The following RPS6KA2 variants were observed in gnomAD, a reference collection of about 807,000 sequenced individuals.
The protein encoded by RPS6KA2 is ribosomal protein S6 kinase alpha-2.
A neutral mutation model predicts 91.8 loss-of-function variants in RPS6KA2; 42 were observed. The ratio of observed to expected loss-of-function variants is 0.46; its 90% CI spans 0.36 to 0.59. RPS6KA2 has a LOEUF of 0.59. Ranked by LOEUF, RPS6KA2 falls within the 20% of genes least tolerant of loss-of-function variation. RPS6KA2 has a pLI of 0.00. For synonymous variants in RPS6KA2, 414 were observed against 393.6 expected, an observed-to-expected ratio of 1.05 and a Z score of -0.61; for missense variants, 798 against 978.5, an observed-to-expected ratio of 0.82 and a Z score of 2.46.
intron 1 of RPS6KA2, among the ~76,000 whole-genome samples, chr6:166,597,370 A>C (rs1286612572): frequency 6.6e-6 from 1 of 152,134 alleles, no homozygotes; most frequent in Admixed American, 6.5e-5. Flanking sequence ...AGGACAAGAG[A>C]CAAATGTGAA....
chr6:166,541,280 G>T (rs1043515698), intron 1 of RPS6KA2, among the ~76,000 whole-genome samples: 1 of 152,238 alleles, frequency 6.6e-6, no homozygotes. Context: ...GGCGAGGCAC[G>T]AGCTGGCCAG....
intron 1 of RPS6KA2, among the ~76,000 whole-genome samples, chr6:166,561,630 G>A (rs913504367): frequency 6.6e-6 from 1 of 151,894 alleles, no homozygotes; most frequent in African/African-American, 2.4e-5. Flanking sequence ...GGGGTATTAG[G>A]AACTAGGCTG....
chr6:166,857,994 T>G, intron 2 of RPS6KA2: 1 of 539,352 alleles, frequency 1.9e-6, no homozygotes, highest in Non-Finnish European at 3.3e-6. Flanking sequence ...AGCTATTCTT[T>G]TTGAGGGAGA....
intron 2 of RPS6KA2, among the ~76,000 whole-genome samples, chr6:166,789,165 C>T (rs1031061377): frequency 7.9e-5 from 12 of 152,210 alleles, no homozygotes; most frequent in Admixed American, 2.6e-4. Context: ...CACCCTAATA[C>T]TGCACTTTTC....
chr6:166,722,391 G>T (rs144156956), intron 2 of RPS6KA2, among the ~76,000 whole-genome samples: 6 of 152,232 alleles, frequency 3.9e-5, no homozygotes, highest in Non-Finnish European at 7.3e-5. Context: ...TGGAGGAGCC[G>T]CAGGGGGTGG....
At chr6:166,771,752 C>A (rs770549482) in intron 2 of RPS6KA2, among the ~76,000 whole-genome samples, 6 of 152,176 alleles carry the variant, frequency 3.9e-5, no homozygotes, top group Non-Finnish European at 8.8e-5. Context: ...GAAGACAGAG[C>A]GTTGGAATCA....
chr6:166,684,787 C>G (rs970306989), intron 2 of RPS6KA2, among the ~76,000 whole-genome samples: 3 of 152,230 alleles, frequency 2.0e-5, no homozygotes, highest in Non-Finnish European at 4.4e-5. Context: ...ATTTATCACC[C>G]TTCCCCCTGA....
chr6:166,439,344 G>C (rs1779446073), intron 14 of RPS6KA2, among the ~76,000 whole-genome samples: 1 of 152,226 alleles, frequency 6.6e-6, no homozygotes, highest in African/African-American at 2.4e-5. Flanking sequence ...CTGACCTCAG[G>C]TGATCCAACT....
At chr6:166,756,298 A>G (rs933240581) in intron 2 of RPS6KA2, among the ~76,000 whole-genome samples, 1 of 152,160 alleles carries the variant, frequency 6.6e-6, no homozygotes, top group Non-Finnish European at 1.5e-5. Flanking sequence ...TCAAAAAAAA[A>G]CCAAAAACAA....
chr6:166,581,721 G>T (rs1384949437), intron 1 of RPS6KA2, among the ~76,000 whole-genome samples: 1 of 152,242 alleles, frequency 6.6e-6, no homozygotes, highest in Admixed American at 6.5e-5. Flanking sequence ...ACCCACCCTG[G>T]GCGAGATGGG....
intron 1 of RPS6KA2, chr6:166,586,607 G>T: frequency 1.2e-6 from 1 of 805,070 alleles, no homozygotes; most frequent in Non-Finnish European, 1.9e-6. Context: ...CAGGAGAGGT[G>T]GCCTCTGGTC....
intron 2 of RPS6KA2, among the ~76,000 whole-genome samples, chr6:166,722,311 G>A (rs146068198): frequency 2.3e-4 from 35 of 152,204 alleles, no homozygotes; most frequent in Middle Eastern, 6.8e-3. Context: ...AGCTGAAGAC[G>A]CTTAGAGTGG....
intron 11 of RPS6KA2, among the ~76,000 whole-genome samples, chr6:166,468,667 T>G (rs760143140): frequency 4.6e-5 from 7 of 151,814 alleles, no homozygotes; most frequent in Admixed American, 2.0e-4. Flanking sequence ...ATCGAGATCA[T>G]CCTGGCTAAC....
At chr6:166,492,609 G>A (rs904297229) in intron 8 of RPS6KA2, among the ~76,000 whole-genome samples, 1 of 152,102 alleles carries the variant, frequency 6.6e-6, no homozygotes, top group East Asian at 1.9e-4. Context: ...CATACACACC[G>A]TTTAATCCTT....
intron 2 of RPS6KA2, among the ~76,000 whole-genome samples, chr6:166,763,464 G>C (rs1778225567): frequency 6.6e-6 from 1 of 152,202 alleles, no homozygotes; most frequent in African/African-American, 2.4e-5. Context: ...AAATGGGAGA[G>C]AGCGGCAATG....
chr6:166,858,876 G>C (rs1481607212), intron 1 of RPS6KA2, among the ~76,000 whole-genome samples: 2 of 152,234 alleles, frequency 1.3e-5, no homozygotes, highest in Non-Finnish European at 2.9e-5. Flanking sequence ...ACATGGCAGT[G>C]CTTCTGCCTA....
In RPS6KA2 at chr6:166,551,858, G is replaced by A. The variant is rs182640307; in HGVS notation, c.100-13074C>T. ...GCTGACTGCTGAAATGCAAACATGC[G>A]GTAGGCTTTGCCAATATGAGCTACA... On this transcript the variant is annotated intron_variant, in intron 1 of 20. Transcript: ENST00000265678. 6.6e-4 allele frequency among the ~76,000 whole-genome samples: 101 copies of A among 152,280 alleles called. 1 individual carries two copies. Among genetic ancestry groups the A allele is most frequent in the Non-Finnish European group, 1.2e-3 (83 of 68,022 alleles).
At position 166,627,201 on chromosome 6, in the gene RPS6KA2, G is replaced by T. The variant is rs1786922513; in HGVS notation, c.-182C>A. The stretch of plus-strand genomic sequence containing the variant: ...AGGGCAGGCCGCGCCGGCCACCGCG[G>T]CCGGGGCCACAATCGCTCCCTCCGC... On this transcript the variant is annotated 5_prime_UTR_variant, in exon 1 of 21. Coordinates refer to ENST00000265678, the MANE Select transcript of RPS6KA2 (RefSeq NM_021135.6). 9.6e-7 allele frequency: 1 copy of T among 1,041,052 alleles called. No homozygotes were observed. Among genetic ancestry groups the T allele is most frequent in the Non-Finnish European group, 1.2e-6 (1 of 867,528 alleles). The allele number at this position is 1,041,052 out of a possible 1,614,324, so 64.5% of individuals were successfully genotyped here.
Position 166,459,297 on chromosome 6 carries a change from A to G in RPS6KA2, c.1075+152T>C. On this transcript the variant is annotated intron_variant, in intron 12 of 20. Coordinates refer to ENST00000265678, the MANE Select transcript of RPS6KA2 (RefSeq NM_021135.6). This position sits in a 1 kb window ranked among gnomAD's most constrained non-coding sequence, Gnocchi z 4.9. ...ATCACTTAAACCTTTATCACTGAGC[A>G]GAGAAAACAACAACAAAAAACCCAA... The G allele has an allele frequency of 1.7e-6, 1 of 594,290 alleles. No individual in the cohort carries two copies. Among genetic ancestry groups the G allele is most frequent in the South Asian group, 2.0e-5 (1 of 50,128 alleles). The allele number at this position is 594,290 out of a possible 1,614,324, so 36.8% of individuals were successfully genotyped here. A position where few individuals can be genotyped will look rare whatever the true frequency, so the allele number is the denominator to read the frequency against.
Sources: allele counts gnomAD v4.1 joint callset (sites outside exome capture counted in the v4.1 genomes callset), GRCh38; gene constraint gnomAD v4.1.1; non-coding constraint Gnocchi (gnomAD v3.1); transcripts MANE v1.5; gene names NCBI Gene and HGNC (gene_info 2026-07-23, HGNC 2026-07-21).